Variants in PDCD5 observed in about 807,000 individuals in gnomAD.
PDCD5 encodes programmed cell death 5, also known as programmed cell death protein 5.
A neutral mutation model predicts 21.9 loss-of-function variants in PDCD5; 23 were observed. The observed-to-expected ratio is 1.05, with a 90% CI of 0.76 to 1.49. The LOEUF is 1.49. PDCD5 is among the 40% of genes most tolerant of loss of function. The pLI is 0.00. For missense variants in PDCD5, 152 were observed against 147.7 expected (o/e 1.03, Z -0.15); for synonymous variants, 45 against 49.4 (o/e 0.91, Z 0.37).
At chr19:32,581,439 C>A (rs376378269) in intron 1 of PDCD5, 112 bp downstream of exon 1, 11 of 599,214 alleles carry the variant, frequency 1.8e-5, no homozygotes, top group African/African-American at 1.8e-4. Context: ...GGGCCCCGGT[C>A]CCCTGCGCTG....
chr19:32,585,381 T>C (rs145844670), intron 3 of PDCD5, among the ~76,000 whole-genome samples: 992 of 152,276 alleles, frequency 6.5e-3, no homozygotes, highest in Non-Finnish European at 0.011. Context: ...TTCAGAGTTG[T>C]TCATCATAAA....
intron 3 of PDCD5, 33 bp downstream of exon 3, chr19:32,585,044 A>G: frequency 6.6e-7 from 1 of 1,515,398 alleles, no homozygotes; most frequent in Non-Finnish European, 9.2e-7. Context: ...CCATAAAGTT[A>G]GCTTGAGTTA....
chr19:32,584,133 A>G (rs1028675864), intron 2 of PDCD5, among the ~76,000 whole-genome samples: 1 of 152,080 alleles, frequency 6.6e-6, no homozygotes, highest in African/African-American at 2.4e-5. Flanking sequence ...TGCCTGGCCT[A>G]GACCCCATCT....
chr19:32,582,116 T>C, intron 1 of PDCD5, 79 bp from the exon 2 acceptor site: 1 of 969,574 alleles, frequency 1.0e-6, no homozygotes, highest in South Asian at 1.4e-5. Flanking sequence ...CTGTTATGTA[T>C]AGGAAACAAC....
At chr19:32,583,479 C>T (rs550178093) in intron 2 of PDCD5, among the ~76,000 whole-genome samples, 7 of 151,062 alleles carry the variant, frequency 4.6e-5, no homozygotes, top group African/African-American at 7.3e-5. Context: ...TTAATAGCCT[C>T]GCTATATCAC....
At chr19:32,587,101 T>A (rs1007409365) in intron 5 of PDCD5, 152 bp from the exon 6 acceptor site, 1 of 791,076 alleles carries the variant, frequency 1.3e-6, no homozygotes, top group Non-Finnish European at 2.1e-6. Flanking sequence ...CTAATTTTTA[T>A]AGGCTCTTGA....
Position 32,581,512 on chromosome 19 carries a change from A to G in PDCD5, c.66+185A>G, listed in dbSNP as rs549735666. 2.5e-3 allele frequency: 967 copies of G among 381,446 alleles called. 3 individuals carry two copies. Among genetic ancestry groups the G allele is most frequent in the African/African-American group, 0.018 (878 of 47,536 alleles). The allele number at this position is 381,446 out of a possible 1,614,324, so 23.6% of individuals were successfully genotyped here. A position where few individuals can be genotyped will look rare whatever the true frequency, so the allele number is the denominator to read the frequency against. On this transcript the variant is annotated intron_variant, in intron 1 of 5. Coordinates refer to ENST00000590247, the MANE Select transcript of PDCD5 (RefSeq NM_004708.4). ...TCGCTTTCCTCGTCGCGAGGGGCCC[A>G]GGAGGCTGGCGGCGGGGGCCGCCAC...
At chr19:32,585,956 A>T (rs780719696) in intron 4 of PDCD5, 49 bp downstream of exon 4, 1 of 1,614,140 alleles carries the variant, frequency 6.2e-7, no homozygotes, top group Admixed American at 1.7e-5. Flanking sequence ...GCTTTATCAA[A>T]ACATGGCTTC....
At chr19:32,585,685 A>T in intron 3 of PDCD5, 131 bp from the exon 4 acceptor site, 1 of 637,754 alleles carries the variant, frequency 1.6e-6, no homozygotes, top group South Asian at 2.0e-5. Flanking sequence ...GAGGAGTAAC[A>T]ATACTGTCTT....
At chr19:32,586,214 A>G (rs1261234203) in intron 4 of PDCD5, 2 of 1,442,630 alleles carry the variant, frequency 1.4e-6, no homozygotes, top group African/African-American at 2.9e-5. Context: ...CAATTAAAAT[A>G]CTACCAGTGT....
At chr19:32,587,137 G>A (rs561357529) in intron 5 of PDCD5, 116 bp from the exon 6 acceptor site, 19 of 897,336 alleles carry the variant, frequency 2.1e-5, no homozygotes, top group South Asian at 4.6e-5. Flanking sequence ...TTTAGTTCAC[G>A]CTAAGTTGCT....
Position 32,587,192 on chromosome 19 carries a change from C to T in PDCD5, c.331-61C>T, listed in dbSNP as rs10500263. 4.6e-3 allele frequency: 6,031 copies of T among 1,298,160 alleles called. 138 individuals are homozygous for T. Among genetic ancestry groups the T allele is most frequent in the South Asian group, 0.045 (3,703 of 81,840 alleles). The allele number at this position is 1,298,160 out of a possible 1,614,324, so 80.4% of individuals were successfully genotyped here. A position where few individuals can be genotyped will look rare whatever the true frequency, so the allele number is the denominator to read the frequency against. ...GCTAAAATTGGTAGAAATCTTTTCT[C>T]GGAAAATCTGAGTTATGCTTTATTA... On this transcript the variant is annotated intron_variant, in intron 5 of 5. Transcript: ENST00000590247.
intron 2 of PDCD5, 99 bp from the exon 3 acceptor site, chr19:32,584,851 C>T: frequency 2.3e-6 from 2 of 879,516 alleles, no homozygotes; most frequent in East Asian, 4.8e-5. Flanking sequence ...ACCGCAGGCC[C>T]CATGTGGAGA....
Position 32,587,387 on chromosome 19 carries a change from A to G in PDCD5, c.*87A>G, listed in dbSNP as rs1021305253. ...ATTATTTACTTTGTTTATTGTCTATATGCCTTTTAAAAAAATAAACTTGTT... is the reference window on the plus strand; with the variant it reads ...ATTATTTACTTTGTTTATTGTCTATGTGCCTTTTAAAAAAATAAACTTGTT... On this transcript the variant is annotated 3_prime_UTR_variant, in exon 6 of 6. Coordinates refer to ENST00000590247, the MANE Select transcript of PDCD5 (RefSeq NM_004708.4). 4 of 844,048 alleles carry G rather than the reference A, an allele frequency of 4.7e-6. No individual in the cohort carries two copies. The Admixed American group carries it at 7.9e-5, about 17-fold the overall frequency. The allele number at this position is 844,048 out of a possible 1,614,324, so 52.3% of individuals were successfully genotyped here.
chr19:32,587,077 G>T, intron 5 of PDCD5, 148 bp downstream of exon 5: 1 of 833,822 alleles, frequency 1.2e-6, no homozygotes, highest in Non-Finnish European at 1.9e-6. Flanking sequence ...GGCTGAATCT[G>T]TTGGGGGAGG....
intron 2 of PDCD5, among the ~76,000 whole-genome samples, chr19:32,582,795 C>T (rs1263498655): frequency 6.6e-6 from 1 of 152,138 alleles, no homozygotes; most frequent in East Asian, 1.9e-4. Context: ...AAGACTGAAA[C>T]CTTTAGCTAC....
At chr19:32,586,154 C>A in intron 4 of PDCD5, 1 of 1,469,340 alleles carries the variant, frequency 6.8e-7, no homozygotes, top group South Asian at 1.4e-5. Context: ...CTGTTAGGGT[C>A]AGCTAGCTTC....
intron 4 of PDCD5, chr19:32,586,618 C>A (rs1482547594): frequency 2.4e-6 from 3 of 1,237,944 alleles, no homozygotes; most frequent in Non-Finnish European, 3.0e-6. Flanking sequence ...TTCAGTTTTC[C>A]TGAGGAAGCA....
chr19:32,582,254 T>A, intron 2 of PDCD5, 22 bp downstream of exon 2: 1 of 1,598,786 alleles, frequency 6.3e-7, no homozygotes, highest in East Asian at 2.2e-5. Flanking sequence ...AAACGTGAAC[T>A]TTTTGAAGGG....
Sources: gnomAD v4.1 joint callset for allele counts (sites outside exome capture counted in the v4.1 genomes callset) on GRCh38, gnomAD v4.1.1 for gene constraint, MANE v1.5 for transcripts, NCBI Gene and HGNC (gene_info 2026-07-23, HGNC 2026-07-21) for gene names.